MTMR7: variants seen among roughly 807,000 people sequenced by gnomAD.
MTMR7 encodes myotubularin related protein 7, also known as phosphatidylinositol-3-phosphate phosphatase MTMR7.
Under a neutral mutation model 81.2 loss-of-function variants are expected in MTMR7, and 76 were observed. That is an observed-to-expected ratio of 0.94 (90% CI 0.78 to 1.13). MTMR7 has a LOEUF of 1.13. Ranked by LOEUF, MTMR7 falls within the 50% of genes most tolerant of loss-of-function variation. MTMR7 has a pLI of 0.00. For missense variants in MTMR7, 1,044 were observed against 820.0 expected (o/e 1.27, Z -3.34); for synonymous variants, 372 against 289.8 (o/e 1.28, Z -2.88).
intron 6 of MTMR7, chr8:17,338,841 G>C (rs1586217693): frequency 6.6e-6 from 1 of 152,060 alleles, no homozygotes; most frequent in African/African-American, 2.4e-5. Context: ...TCTAGCTGTG[G>C]TATCGGTTTC....
chr8:17,400,675 T>G (rs189334955), intron 1 of MTMR7, among the ~76,000 whole-genome samples: 1 of 152,216 alleles, frequency 6.6e-6, no homozygotes, highest in Admixed American at 6.5e-5. Context: ...CTTATCTAAT[T>G]GTCAGACTTT....
chr8:17,311,725 A>G (rs1817791649), intron 8 of MTMR7, 89 bp from the exon 9 acceptor site: 1 of 1,571,144 alleles, frequency 6.4e-7, no homozygotes, highest in Admixed American at 1.8e-5. Flanking sequence ...CTGTATATTT[A>G]CAGAAAGAAA....
At chr8:17,371,261 T>G (rs1375039179) in intron 2 of MTMR7, 62 bp from the exon 3 acceptor site, 4 of 1,523,396 alleles carry the variant, frequency 2.6e-6, no homozygotes, top group Non-Finnish European at 3.6e-6. Flanking sequence ...CGACAAGGAC[T>G]AACATTTCTT....
chr8:17,352,792 TA>T (rs1336038537), intron 4 of MTMR7, among the ~76,000 whole-genome samples: 7 of 152,094 alleles, frequency 4.6e-5, no homozygotes, highest in African/African-American at 1.7e-4. Context: ...GAAAACATAA[TA>T]AAACTAGTAC....
At chr8:17,309,798 C>A (rs1425683666) in intron 9 of MTMR7, among the ~76,000 whole-genome samples, 1 of 152,040 alleles carries the variant, frequency 6.6e-6, no homozygotes, top group Non-Finnish European at 1.5e-5. Context: ...TGTAAATTAC[C>A]AACCTCTTTA....
chr8:17,345,133 C>A (rs1172242399), intron 5 of MTMR7, among the ~76,000 whole-genome samples: 3 of 152,198 alleles, frequency 2.0e-5, no homozygotes, highest in Non-Finnish European at 4.4e-5. Flanking sequence ...CTCTACATAA[C>A]CCATGTGCGT....
At chr8:17,358,785 C>T (rs1449286681) in intron 4 of MTMR7, among the ~76,000 whole-genome samples, 13 of 151,980 alleles carry the variant, frequency 8.6e-5, no homozygotes, top group Admixed American at 8.5e-4. Flanking sequence ...TTGGTAGATT[C>T]AGGAAAGATT....
chr8:17,331,014 A>G, intron 7 of MTMR7, 136 bp downstream of exon 7: 1 of 1,051,446 alleles, frequency 9.5e-7, no homozygotes, highest in South Asian at 1.7e-5. Flanking sequence ...AGTGTTTAAA[A>G]AGCCACTGTA....
chr8:17,314,729 A>G (rs1029285033), intron 7 of MTMR7, among the ~76,000 whole-genome samples: 2 of 152,212 alleles, frequency 1.3e-5, no homozygotes, highest in East Asian at 3.8e-4. Flanking sequence ...TATTATGAAT[A>G]TGTTCAGGCA....
At chr8:17,358,090 G>C (rs1819950611) in intron 4 of MTMR7, among the ~76,000 whole-genome samples, 1 of 151,876 alleles carries the variant, frequency 6.6e-6, no homozygotes, top group African/African-American at 2.4e-5. Context: ...TACAATACAA[G>C]ATATCTAGAA....
intron 1 of MTMR7, among the ~76,000 whole-genome samples, chr8:17,396,086 C>G (rs976934040): frequency 2.0e-5 from 3 of 151,392 alleles, no homozygotes; most frequent in Non-Finnish European, 2.9e-5. Flanking sequence ...ATAATAATAT[C>G]CATCAGGAGA....
At chr8:17,368,577 C>A (rs756864927) in intron 3 of MTMR7, among the ~76,000 whole-genome samples, 8 of 152,186 alleles carry the variant, frequency 5.3e-5, no homozygotes, top group Non-Finnish European at 1.2e-4. Flanking sequence ...CAGTTGAAGG[C>A]AACTGTTTCA....
At chr8:17,333,292 G>A (rs28629211) in intron 6 of MTMR7, among the ~76,000 whole-genome samples, 24,282 of 150,674 alleles carry the variant, frequency 0.16, 2,931 homozygotes, top group African/African-American at 0.34. Flanking sequence ...CACACTTTAA[G>A]AAGTATAAAT....
chr8:17,354,024 T>C (rs1819813678), intron 4 of MTMR7, among the ~76,000 whole-genome samples: 1 of 152,194 alleles, frequency 6.6e-6, no homozygotes, highest in Non-Finnish European at 1.5e-5. Context: ...AATCTTCCAG[T>C]AAATATATTT....
chr8:17,364,150 C>T (rs1820147725), intron 3 of MTMR7, among the ~76,000 whole-genome samples: 1 of 151,128 alleles, frequency 6.6e-6, no homozygotes, highest in Non-Finnish European at 1.5e-5. Context: ...CTGCCTCAGC[C>T]TCCGGAGTAG....
intron 4 of MTMR7, 95 bp downstream of exon 4, chr8:17,361,022 G>T: frequency 2.2e-6 from 3 of 1,346,468 alleles, no homozygotes; most frequent in African/African-American, 2.9e-5. Flanking sequence ...TCTACAAAGA[G>T]CTATAAAACC....
intron 13 of MTMR7, chr8:17,301,637 C>G (rs1422577412): frequency 3.9e-5 from 6 of 153,760 alleles, no homozygotes; most frequent in Admixed American, 3.3e-4. Flanking sequence ...ACATTAGTAC[C>G]ATTGGAAACA....
At chr8:17,315,868 C>T (rs1252730793) in intron 7 of MTMR7, among the ~76,000 whole-genome samples, 2 of 152,000 alleles carry the variant, frequency 1.3e-5, no homozygotes, top group African/African-American at 4.8e-5. Flanking sequence ...AAAAAATGAG[C>T]GAGACTGAGT....
At chr8:17,361,536 CT>C (rs1051342702) in intron 3 of MTMR7, among the ~76,000 whole-genome samples, 9 of 152,124 alleles carry the variant, frequency 5.9e-5, no homozygotes, top group Non-Finnish European at 1.0e-4. Flanking sequence ...CCATTTTGTG[CT>C]TTTTTTGTTG....
Sources: gnomAD v4.1 joint callset for allele counts (sites outside exome capture counted in the v4.1 genomes callset) on GRCh38, gnomAD v4.1.1 for gene constraint, MANE v1.5 for transcripts, NCBI Gene and HGNC (gene_info 2026-07-23, HGNC 2026-07-21) for gene names.